DOCK8: variants seen among roughly 807,000 people sequenced by gnomAD.
The protein encoded by DOCK8 is dedicator of cytokinesis 8, also known as dedicator of cytokinesis protein 8.
DOCK8 carries 141 observed loss-of-function variants against 245.6 expected under a neutral mutation model. The ratio of observed to expected loss-of-function variants is 0.57; its 90% confidence interval spans 0.50 to 0.66. The LOEUF (loss-of-function observed/expected upper bound fraction) is 0.66. Ranked by LOEUF, DOCK8 falls within the 30% of genes least tolerant of loss-of-function variation. The pLI is 0.00. For synonymous variants in DOCK8, 1,168 were observed against 970.2 expected, an observed-to-expected ratio of 1.20 and a Z score of -3.79; for missense variants, 2,965 against 2,603.4, an observed-to-expected ratio of 1.14 and a Z score of -3.02.
intron 14 of DOCK8, among the ~76,000 whole-genome samples, chr9:352,770 T>TAGC (rs55869796): frequency 0.8 from 120,046 of 150,042 alleles, 48,486 homozygotes; most frequent in South Asian, 0.88. Context: ...TTTATATATC[T>TAGC]TCTGAAAGAA....
intron 1 of DOCK8, among the ~76,000 whole-genome samples, chr9:244,507 G>C (rs561366857): frequency 1.3e-5 from 2 of 152,166 alleles, no homozygotes; most frequent in African/African-American, 4.8e-5. Context: ...CAATTTGTAA[G>C]TCCTAAATCA....
intron 20 of DOCK8, among the ~76,000 whole-genome samples, chr9:378,118 A>G (rs2053592204): frequency 6.6e-6 from 1 of 152,244 alleles, no homozygotes; most frequent in Admixed American, 6.5e-5. Context: ...TAATATGGCA[A>G]AGAGTCAGCA....
intron 6 of DOCK8, among the ~76,000 whole-genome samples, chr9:316,093 A>G (rs1177135340): frequency 6.6e-6 from 1 of 152,210 alleles, no homozygotes; most frequent in East Asian, 1.9e-4. Flanking sequence ...TGATCATTCC[A>G]TCAAAGTGGG....
intron 37 of DOCK8, 66 bp downstream of exon 37, chr9:432,390 G>A (rs1379887032): frequency 3.5e-6 from 5 of 1,432,898 alleles, no homozygotes; most frequent in African/African-American, 1.4e-5. Flanking sequence ...GTGTATGTAT[G>A]TATGTACATA....
chr9:370,237 T>A lies in DOCK8; in HGVS notation c.1805T>A (p.Phe602Tyr), dbSNP rs750934917. 2.5e-6 allele frequency: 4 copies of A among 1,613,962 alleles called. No individual in the cohort carries two copies. In the South Asian group the frequency reaches 3.3e-5, roughly 13 times the overall value. Reference sequence around the variant, plus strand: ...TTCTCTACTGGTGAACAGGTCATCTTTGGAAAATCCAGCGGGCCTGAATTT... The same window carrying A: ...TTCTCTACTGGTGAACAGGTCATCTATGGAAAATCCAGCGGGCCTGAATTT... Reference protein sequence around the residue: ...EDASNAMPVIFGKSSGPEFLQ... With the variant: ...EDASNAMPVIYGKSSGPEFLQ... The change falls in exon 16 of 48, where the codon TTT becomes TAT. Residue 602 changes from phenylalanine to tyrosine, a missense_variant. This residue lies in a region of DOCK8 where 2,825 missense variants were observed against 2,453.5 expected (regional missense o/e 1.15). Coordinates refer to ENST00000432829, the MANE Select transcript of DOCK8 (RefSeq NM_203447.4).
At chr9:441,546 C>A in intron 41 of DOCK8, 129 bp downstream of exon 41, 1 of 1,422,704 alleles carries the variant, frequency 7.0e-7, no homozygotes, top group Non-Finnish European at 9.7e-7. Flanking sequence ...TCTCACCTGT[C>A]AAACAGAAAA....
chr9:337,825 A>G (rs1422586685), intron 12 of DOCK8, among the ~76,000 whole-genome samples: 2 of 152,192 alleles, frequency 1.3e-5, no homozygotes, highest in Non-Finnish European at 2.9e-5. Flanking sequence ...CACAACAAAG[A>G]GAATGTGCTT....
At chr9:217,507 G>C (rs923547323) in intron 1 of DOCK8, among the ~76,000 whole-genome samples, 1 of 152,164 alleles carries the variant, frequency 6.6e-6, no homozygotes, top group Non-Finnish European at 1.5e-5. Context: ...GTTTAATAAA[G>C]TATAAAAGGT....
chr9:439,462 G>C, intron 40 of DOCK8, 74 bp downstream of exon 40: 3 of 1,589,580 alleles, frequency 1.9e-6, no homozygotes, highest in Non-Finnish European at 2.6e-6. Context: ...GGAACACCTG[G>C]TCTTAATGGC....
At chr9:294,703 T>G (rs1477125517) in intron 4 of DOCK8, among the ~76,000 whole-genome samples, 2 of 152,236 alleles carry the variant, frequency 1.3e-5, no homozygotes, top group East Asian at 1.9e-4. Flanking sequence ...TATTTGTAAT[T>G]GCCAAAAACT....
chr9:358,923 A>G (rs1004570570), intron 14 of DOCK8, among the ~76,000 whole-genome samples: 3 of 152,256 alleles, frequency 2.0e-5, no homozygotes, highest in Non-Finnish European at 4.4e-5. Context: ...AAAGGGAATC[A>G]CAATGAACGA....
chr9:309,520 A>AT (rs966216824), intron 5 of DOCK8, among the ~76,000 whole-genome samples: 15 of 152,170 alleles, frequency 9.9e-5, no homozygotes, highest in African/African-American at 3.6e-4. Context: ...ACAGTTATAC[A>AT]TTTTTTGCTG....
At chr9:444,707 A>G (rs1191104537) in intron 43 of DOCK8, among the ~76,000 whole-genome samples, 2 of 152,224 alleles carry the variant, frequency 1.3e-5, no homozygotes, top group Admixed American at 6.5e-5. Context: ...GGGGCCCAGC[A>G]TGAGTCACCT....
chr9:275,188 G>T (rs185059085), intron 2 of DOCK8, among the ~76,000 whole-genome samples: 4 of 151,236 alleles, frequency 2.6e-5, no homozygotes, highest in Admixed American at 1.3e-4. Context: ...TGGGTCCTTT[G>T]TATATATTGG....
intron 4 of DOCK8, among the ~76,000 whole-genome samples, chr9:295,168 A>C (rs1444258079): frequency 6.6e-6 from 1 of 152,076 alleles, no homozygotes; most frequent in Non-Finnish European, 1.5e-5. Context: ...TTAAAAAAAA[A>C]AAAAGAAGAA....
rs1249728660 is a variant in DOCK8 at position 432,226 on chromosome 9, C to G, written c.4687C>G (p.Pro1563Ala). The G allele has an allele frequency of 6.2e-7, 1 of 1,613,106 alleles. No homozygotes were observed. Among genetic ancestry groups the G allele is most frequent in the South Asian group, 1.1e-5 (1 of 91,028 alleles). Residue 1563 changes from proline to alanine, a missense_variant, in exon 37 of 48, where the codon CCA (proline) becomes GCA (alanine). Physicochemically the swap from Pro to Ala is conservative, Grantham distance 27 (BLOSUM62 -1). Around this residue, in one of 3 missense-constraint regions of DOCK8, gnomAD observed 2,825 missense variants for 2,453.5 expected, o/e 1.15. Transcript: ENST00000432829. ...CCTGGCATCTTTGGTGGGAAGAGCA[C>G]CAGACTTTAATGAAGAGCACCTGAG... ...MSLASLVGRA[P>A]DFNEEHLRRS...
chr9:346,806 A>G (rs1015558124), intron 14 of DOCK8, among the ~76,000 whole-genome samples: 1 of 152,204 alleles, frequency 6.6e-6, no homozygotes, highest in Non-Finnish European at 1.5e-5. Flanking sequence ...GCATGCATGC[A>G]GGACCTGACC....
chr9:420,273 A>G, intron 30 of DOCK8, 128 bp from the exon 31 acceptor site: 4 of 997,662 alleles, frequency 4.0e-6, no homozygotes, highest in Non-Finnish European at 6.2e-6. Context: ...CCAGCCTAGC[A>G]GTGATGTACA....
chr9:401,841 G>A (rs1483158154), intron 26 of DOCK8, among the ~76,000 whole-genome samples: 1 of 152,162 alleles, frequency 6.6e-6, no homozygotes, highest in Non-Finnish European at 1.5e-5. Context: ...TCTAAGGGAA[G>A]TCCTGATAAG....
Sources: allele counts gnomAD v4.1 joint callset (sites outside exome capture counted in the v4.1 genomes callset), GRCh38; gene constraint gnomAD v4.1.1; regional missense constraint gnomAD v4.1.1; transcripts MANE v1.5; gene names NCBI Gene and HGNC (gene_info 2026-07-23, HGNC 2026-07-21).